Variants in GPR180 observed in about 807,000 individuals in gnomAD.
GPR180 encodes the protein G protein-coupled receptor 180.
A neutral mutation model predicts 52.6 loss-of-function variants in GPR180; 53 were observed. The observed-to-expected ratio is 1.01, with a 90% CI of 0.81 to 1.27. The LOEUF (loss-of-function observed/expected upper bound fraction) is 1.27. GPR180 is among the 50% of genes most tolerant of loss of function. GPR180 has a pLI of 0.00. For synonymous variants in GPR180, 200 were observed against 193.1 expected (o/e 1.04, Z -0.30); for missense variants, 533 against 527.0 (o/e 1.01, Z -0.11).
intron 2 of GPR180, among the ~76,000 whole-genome samples, chr13:94,606,401 G>A (rs373915074): frequency 8.5e-5 from 13 of 152,204 alleles, no homozygotes; most frequent in Admixed American, 4.6e-4. Flanking sequence ...GCTTAAATCC[G>A]TGATCCCATT....
intron 3 of GPR180, among the ~76,000 whole-genome samples, chr13:94,616,621 A>G (rs1889782080): frequency 6.6e-6 from 1 of 152,220 alleles, no homozygotes; most frequent in Non-Finnish European, 1.5e-5. Context: ...ATGCTCATTA[A>G]GAGTATTTTT....
At chr13:94,624,918 A>G (rs11841706) in intron 7 of GPR180, among the ~76,000 whole-genome samples, 2,748 of 151,842 alleles carry the variant, frequency 0.018, 113 homozygotes, top group African/African-American at 0.064. Flanking sequence ...TGCAACTTCC[A>G]TCTCCTGGGG....
chr13:94,619,794 T>C (rs1178109872), intron 5 of GPR180, among the ~76,000 whole-genome samples: 1 of 152,128 alleles, frequency 6.6e-6, no homozygotes, highest in Non-Finnish European at 1.5e-5. Context: ...CACGGCTCAC[T>C]GCAGCCTCAA....
chr13:94,618,792 A>C (rs1889814119), intron 3 of GPR180, among the ~76,000 whole-genome samples: 1 of 152,156 alleles, frequency 6.6e-6, no homozygotes. Flanking sequence ...TTACAAAAGA[A>C]ATTCACTTTG....
intron 3 of GPR180, among the ~76,000 whole-genome samples, chr13:94,614,160 C>T (rs139994682): frequency 6.6e-6 from 1 of 152,322 alleles, no homozygotes; most frequent in African/African-American, 2.4e-5. Context: ...TGAGCCACCG[C>T]ACACAGCCTT....
In GPR180 at chr13:94,623,172, A is replaced by T; in HGVS notation, c.958A>T (p.Asn320Tyr). 6.2e-7 allele frequency: 1 copy of T among 1,613,838 alleles called. No homozygotes were observed. The change falls in exon 7 of 9, where the codon AAC (asparagine) becomes TAC (tyrosine). Residue 320 changes from asparagine to tyrosine, a missense_variant. By Grantham distance (143) the Asn-to-Tyr change is moderately radical. Coordinates refer to ENST00000376958, the MANE Select transcript of GPR180 (RefSeq NM_180989.6). ...TCATCATAGCTACCATTCACACCAC[A>T]ACTTAGCAGGGATCCTCCTAATTGT... ...ISHHSYHSHHNLAGILLIVLR... is the reference protein window; with the variant it reads ...ISHHSYHSHHYLAGILLIVLR...
rs1889845588 is a variant in GPR180 at position 94,621,066 on chromosome 13, A to G, written c.737-12A>G. On this transcript the variant is annotated splice_polypyrimidine_tract_variant and intron_variant, in intron 5 of 8. Transcript: ENST00000376958. ...GAAAACTTGGTTGACGTTGGTTTTC[A>G]TGTCCCATTAGTTTTTGACATCGCT... The G allele has an allele frequency of 1.9e-6, 3 of 1,593,286 alleles. No individual in the cohort carries two copies. The highest frequency in any genetic ancestry group is 2.6e-6 in the Non-Finnish European group (3 of 1,174,186).
intron 3 of GPR180, among the ~76,000 whole-genome samples, chr13:94,616,068 A>AGCT (rs1249355825): frequency 6.6e-6 from 1 of 152,208 alleles, no homozygotes; most frequent in Non-Finnish European, 1.5e-5. Flanking sequence ...TTCTTAAGCT[A>AGCT]GCTGCCTCAA....
chr13:94,620,806 A>G (rs1330277981), intron 5 of GPR180, among the ~76,000 whole-genome samples: 1 of 152,198 alleles, frequency 6.6e-6, no homozygotes, highest in Non-Finnish European at 1.5e-5. Flanking sequence ...GTTGGACTTA[A>G]TGGACATATG....
At chr13:94,605,338 T>C in intron 1 of GPR180, 53 bp from the exon 2 acceptor site, 1 of 1,562,524 alleles carries the variant, frequency 6.4e-7, no homozygotes, top group Non-Finnish European at 8.8e-7. Flanking sequence ...TGTCCTCATG[T>C]CTCAGTTTCA....
At position 94,627,251 on chromosome 13, in the gene GPR180, T is replaced by A. The variant is rs9524568; in HGVS notation, c.*80T>A. On this transcript the variant is annotated 3_prime_UTR_variant, in exon 9 of 9. Coordinates refer to ENST00000376958, the MANE Select transcript of GPR180 (RefSeq NM_180989.6). ...TCCAAATACAGTGACTTTTTTTTCA[T>A]ACATTTAGTATGAAAACTTGAACAG... 348,382 of 1,225,830 alleles carry A rather than the reference T, an allele frequency of 0.28. 51,040 individuals carry two copies. The highest frequency in any genetic ancestry group is 0.33 in the East Asian group (13,783 of 42,154). 75.9% of individuals were successfully genotyped at this position (1,225,830 alleles called of 1,614,324 possible).
rs981179147 is a variant in GPR180 at position 94,601,874 on chromosome 13, G to C, written c.-54G>C. The C allele has an allele frequency of 1.2e-5, 16 of 1,332,748 alleles. No homozygotes were observed. Among genetic ancestry groups the C allele is most frequent in the African/African-American group, 1.5e-5 (1 of 65,116 alleles). The allele number at this position is 1,332,748 out of a possible 1,614,324, so 82.6% of individuals were successfully genotyped here. A position where few individuals can be genotyped will look rare whatever the true frequency, so the allele number is the denominator to read the frequency against. On this transcript the variant is annotated 5_prime_UTR_variant, in exon 1 of 9. Transcript: ENST00000376958. Reference sequence around the variant, plus strand: ...CCTCCCCCAGCTGCCGACGTGGGGCGGGCAGCCGCCGGCGGCTGGGAGCCG... The same window carrying C: ...CCTCCCCCAGCTGCCGACGTGGGGCCGGCAGCCGCCGGCGGCTGGGAGCCG...
chr13:94,605,385 G>A lies in GPR180; in HGVS notation c.146-6G>A. The stretch of plus-strand genomic sequence containing the variant: ...ACTAGTTGATGATTTTTGTTTTAAT[G>A]TCAAGGTGACCATGCTCTTCTGTGT... On this transcript the variant is annotated splice_polypyrimidine_tract_variant and splice_region_variant and intron_variant, in intron 1 of 8. Transcript: ENST00000376958. The A allele has an allele frequency of 6.2e-7, 1 of 1,613,680 alleles. No individual in the cohort carries two copies. The highest frequency in any genetic ancestry group is 8.5e-7 in the Non-Finnish European group (1 of 1,179,848).
In GPR180 at chr13:94,602,019, G is replaced by A; in HGVS notation, c.92G>A (p.Ser31Asn). ...QGKTLRGSFSSTAAQDAQGQR... is the reference protein window; with the variant it reads ...QGKTLRGSFSNTAAQDAQGQR... Reference sequence around the variant, plus strand: ...AAGACCCTGCGGGGCAGCTTCAGCAGCACCGCGGCCCAGGACGCCCAGGGC... The same window carrying A: ...AAGACCCTGCGGGGCAGCTTCAGCAACACCGCGGCCCAGGACGCCCAGGGC... The change falls in exon 1 of 9, where the codon AGC (serine) becomes AAC (asparagine). Residue 31 changes from serine to asparagine, a missense_variant. By Grantham distance (46) the Ser-to-Asn change is conservative. Transcript: ENST00000376958. The A allele has an allele frequency of 6.8e-7, 1 of 1,468,118 alleles. No individual in the cohort carries two copies. Among genetic ancestry groups the A allele is most frequent in the African/African-American group, 1.4e-5 (1 of 69,106 alleles). The allele number at this position is 1,468,118 out of a possible 1,614,324, so 90.9% of individuals were successfully genotyped here. A position where few individuals can be genotyped will look rare whatever the true frequency, so the allele number is the denominator to read the frequency against.
At chr13:94,622,738 T>C (rs1225567145) in intron 6 of GPR180, among the ~76,000 whole-genome samples, 1 of 152,182 alleles carries the variant, frequency 6.6e-6, no homozygotes, top group African/African-American at 2.4e-5. Flanking sequence ...CACACCCAGC[T>C]AATTTTTTGT....
At position 94,633,308 on chromosome 13, in the gene GPR180, C is replaced by A. The variant is rs1169089089; in HGVS notation, c.*6137C>A. On this transcript the variant is annotated 3_prime_UTR_variant, in exon 9 of 9. Coordinates refer to ENST00000376958, the MANE Select transcript of GPR180 (RefSeq NM_180989.6). ...ACTTCAGGCAGTTGGTGTCAGAAGC[C>A]ATTGCAAATATCCTGATGATCCGTG... The A allele has an allele frequency of 1.3e-5, 2 of 152,060 alleles. No individual in the cohort carries two copies. Among genetic ancestry groups the A allele is most frequent in the Admixed American group, 6.5e-5 (1 of 15,280 alleles). The allele number at this position is 152,060 out of a possible 1,614,324, so 9.4% of individuals were successfully genotyped here.
rs939524330 is a variant in GPR180, at chr13:94,630,525, C to T, written c.*3354C>T. ...TCCCTGACAAAAACCCTCCATGTGC[C>T]TCTCATTGCACTTAGGAAAAGAAGT... On this transcript the variant is annotated 3_prime_UTR_variant, in exon 9 of 9. Transcript: ENST00000376958. 6.6e-6 allele frequency: 1 copy of T among 152,206 alleles called. No homozygotes were observed. Among genetic ancestry groups the T allele is most frequent in the African/African-American group, 2.4e-5 (1 of 41,452 alleles). The allele number at this position is 152,206 out of a possible 1,614,324, so 9.4% of individuals were successfully genotyped here.
rs1215698727 is a variant in GPR180, at chr13:94,633,779, G to A, written c.*6608G>A. 6.6e-6 allele frequency: 1 copy of A among 150,968 alleles called. No individual in the cohort carries two copies. The highest frequency in any genetic ancestry group is 1.5e-5 in the Non-Finnish European group (1 of 67,796). The allele number at this position is 150,968 out of a possible 1,614,324, so 9.4% of individuals were successfully genotyped here. A position where few individuals can be genotyped will look rare whatever the true frequency, so the allele number is the denominator to read the frequency against. On this transcript the variant is annotated 3_prime_UTR_variant, in exon 9 of 9. Transcript: ENST00000376958. ...AGGTAGAAAAGCCTTAGCTCTTTGAGATTATGTTTAAATGCCCTGTATTTT... is the reference window on the plus strand; with the variant it reads ...AGGTAGAAAAGCCTTAGCTCTTTGAAATTATGTTTAAATGCCCTGTATTTT...
Position 94,609,950 on chromosome 13 carries a change from A to AT in GPR180, c.305-2235dup, listed in dbSNP as rs552008143. On this transcript the variant is annotated intron_variant, in intron 2 of 8. Coordinates refer to ENST00000376958, the MANE Select transcript of GPR180 (RefSeq NM_180989.6). ...TTCCTAAAGACAACCTATAAATAAC[A>AT]TTTTTCCAACTTTCCACTAGGAAAA... 2.4e-3 allele frequency among the ~76,000 whole-genome samples: 371 copies of AT among 152,212 alleles called. 4 individuals are homozygous for AT. The highest frequency in any genetic ancestry group is 8.8e-3 in the African/African-American group (367 of 41,550).
Sources: gnomAD v4.1 joint callset for allele counts (sites outside exome capture counted in the v4.1 genomes callset) on GRCh38, gnomAD v4.1.1 for gene constraint, MANE v1.5 for transcripts, NCBI Gene and HGNC (gene_info 2026-07-23, HGNC 2026-07-21) for gene names.